Variants in COL5A3 observed in about 807,000 individuals in gnomAD.
COL5A3 encodes collagen alpha-3(V) chain.
COL5A3 carries 172 observed loss-of-function variants against 250.0 expected under a neutral mutation model. That is an observed-to-expected ratio of 0.69 (90% CI 0.61 to 0.78). COL5A3 has a LOEUF of 0.78. Among genes scored for constraint, COL5A3 ranks in the 30% least tolerant of loss-of-function variants. The probability of loss-of-function intolerance (pLI) is 0.00; values close to 1 mark genes in which losing one functional copy is unlikely to be tolerated. For missense variants in COL5A3, 2,340 were observed against 2,334.4 expected, an observed-to-expected ratio of 1.00 and a Z score of -0.05; for synonymous variants, 937 against 900.4, an observed-to-expected ratio of 1.04 and a Z score of -0.73.
intron 27 of COL5A3, among the ~76,000 whole-genome samples, chr19:9,987,859 C>T (rs558903128): frequency 1.8e-4 from 28 of 151,686 alleles, no homozygotes; most frequent in African/African-American, 5.8e-4. Flanking sequence ...TACTTGAGCA[C>T]GGGAGTTCAA....
intron 12 of COL5A3, 21 bp from the exon 13 acceptor site, chr19:9,996,537 A>G (rs760983383): frequency 6.2e-7 from 1 of 1,613,902 alleles, no homozygotes; most frequent in Non-Finnish European, 8.5e-7. Context: ...TTTAGTGGTG[A>G]GGGAAGCCCC....
rs778677593 is a variant in COL5A3, at chr19:9,989,092, A to G, written c.2145+32T>C. 3 of 1,611,246 alleles carry G rather than the reference A, an allele frequency of 1.9e-6. No homozygotes were observed. In the South Asian group the frequency reaches 3.3e-5, roughly 18 times the overall value. On this transcript the variant is annotated intron_variant, in intron 27 of 66. Transcript: ENST00000264828. ...TCGCATGCCTGAACCCAAAGCTGGT[A>G]AATCACTCATACCTGCAAGCGTATC...
chr19:9,996,554 AG>A (rs1268144642), intron 12 of COL5A3, 38 bp from the exon 13 acceptor site: 1 of 1,609,568 alleles, frequency 6.2e-7, no homozygotes, highest in East Asian at 2.2e-5. Context: ...CCCCCAGGAG[AG>A]GCCCCCTCCT....
Position 9,979,909 on chromosome 19 carries a change from G to GA in COL5A3, c.2659-18dup, listed in dbSNP as rs1568415940. On this transcript the variant is annotated splice_polypyrimidine_tract_variant and intron_variant, in intron 36 of 66. Transcript: ENST00000264828. ...TTGGTGACCCTGGGGGATGAGGTGG[G>GA]AAAAAGTTGGGGCACAGATACAGGG... The GA allele has an allele frequency of 6.4e-7, 1 of 1,570,488 alleles. No homozygotes were observed. Among genetic ancestry groups the GA allele is most frequent in the Non-Finnish European group, 8.6e-7 (1 of 1,165,458 alleles).
Position 9,991,815 on chromosome 19 carries a change from C to T in COL5A3, c.1920G>A (p.Pro640=), listed in dbSNP as rs769567123. Residue 640 remains proline, a synonymous_variant, in exon 23 of 67, where the codon CCG becomes CCA. Coordinates refer to ENST00000264828, the MANE Select transcript of COL5A3 (RefSeq NM_015719.4). ...GGGACCCATGGTTTCCCTGCTGTCC[C>T]GGAGGGCCTGGTTCTCCTGGAGGAC... ...NVGPPGEPGP[P]GQQGNHGSQG... The T allele has an allele frequency of 1.4e-5, 23 of 1,608,716 alleles. No individual in the cohort carries two copies. Among genetic ancestry groups the T allele is most frequent in the East Asian group, 2.2e-5 (1 of 44,858 alleles).
At position 9,979,976 on chromosome 19, in the gene COL5A3, G is replaced by A. The variant is rs540086153; in HGVS notation, c.2658+18C>T. On this transcript the variant is annotated intron_variant, in intron 36 of 66. Coordinates refer to ENST00000264828, the MANE Select transcript of COL5A3 (RefSeq NM_015719.4). ...ATCCTCCACCCACCCAACCCCCAATGAGGGTGACCTCACTCACAGGGGGGC... is the reference window on the plus strand; with the variant it reads ...ATCCTCCACCCACCCAACCCCCAATAAGGGTGACCTCACTCACAGGGGGGC... 4.4e-6 allele frequency: 7 copies of A among 1,579,576 alleles called. No homozygotes were observed. The East Asian group carries it at 1.1e-4, about 26-fold the overall frequency.
At chr19:9,991,062 A>C (rs1011374372) in intron 24 of COL5A3, among the ~76,000 whole-genome samples, 2 of 152,122 alleles carry the variant, frequency 1.3e-5, no homozygotes, top group Non-Finnish European at 2.9e-5. Context: ...CCATCTCTAC[A>C]AAAAAAGAAA....
Position 9,996,099 on chromosome 19 carries a change from A to C in COL5A3, c.1500T>G (p.Gly500=). ...PGPVGLPGHP[G]LKGEEGAEGP... is the part of the protein sequence containing the mutation. ...CTTCTGCTCCCTCCTCTCCTTTCAG[A>C]CCTGGATGCCCGGGGAGACCCTTGG... is the stretch of plus-strand genomic sequence containing the variant. The change falls in exon 15 of 67, where the codon GGT becomes GGG. Residue 500 remains glycine, a synonymous_variant. Transcript: ENST00000264828. The C allele has an allele frequency of 6.3e-7, 1 of 1,584,496 alleles. No individual in the cohort carries two copies. Among genetic ancestry groups the C allele is most frequent in the Non-Finnish European group, 8.6e-7 (1 of 1,166,480 alleles).
chr19:9,981,412 C>T (rs762057055), intron 32 of COL5A3, among the ~76,000 whole-genome samples: 5 of 152,176 alleles, frequency 3.3e-5, no homozygotes, highest in Non-Finnish European at 7.3e-5. Context: ...AGTATGCATA[C>T]ATGATTGCAT....
At chr19:9,997,291 T>C in intron 11 of COL5A3, 80 bp downstream of exon 11, 1 of 1,084,364 alleles carries the variant, frequency 9.2e-7, no homozygotes, top group Non-Finnish European at 1.4e-6. Flanking sequence ...CACACCCTCA[T>C]ATCTATGTTC....
chr19:9,972,649 A>T (rs147057147), intron 51 of COL5A3, among the ~76,000 whole-genome samples: 1,900 of 152,044 alleles, frequency 0.012, 44 homozygotes, highest in African/African-American at 0.043. Context: ...CATCCTGGCC[A>T]ACATAGTGAA....
chr19:9,966,211 G>A (rs1472667572), intron 64 of COL5A3, 103 bp downstream of exon 64: 1 of 872,442 alleles, frequency 1.1e-6, no homozygotes, highest in Non-Finnish European at 1.8e-6. Context: ...CTCAATAAAT[G>A]CCGGTTGAAG....
At chr19:9,974,794 A>G (rs191033904) in intron 45 of COL5A3, among the ~76,000 whole-genome samples, 108 of 152,044 alleles carry the variant, frequency 7.1e-4, no homozygotes, top group Middle Eastern at 3.4e-3. Flanking sequence ...GTATGTTCCT[A>G]TTGTATGGTA....
intron 33 of COL5A3, 78 bp from the exon 34 acceptor site, chr19:9,980,937 C>T (rs2087000812): frequency 2.0e-6 from 3 of 1,530,232 alleles, no homozygotes; most frequent in Non-Finnish European, 2.7e-6. Context: ...CTTCCAGGTC[C>T]CCTCCCCTTG....
intron 27 of COL5A3, 39 bp downstream of exon 27, chr19:9,989,085 A>C: frequency 4.4e-6 from 7 of 1,605,968 alleles, no homozygotes; most frequent in Non-Finnish European, 3.4e-6. Flanking sequence ...CTGAACCCAA[A>C]GCTGGTAAAT....
intron 39 of COL5A3, 71 bp from the exon 40 acceptor site, chr19:9,979,051 C>A (rs2086966384): frequency 1.3e-5 from 19 of 1,461,950 alleles, no homozygotes; most frequent in Non-Finnish European, 1.7e-5. Context: ...TGACTCAGGG[C>A]CCCCTCCCCC....
intron 24 of COL5A3, among the ~76,000 whole-genome samples, chr19:9,991,133 T>C (rs1482280706): frequency 3.9e-5 from 6 of 152,116 alleles, no homozygotes. Context: ...TCCCAGCTAC[T>C]CGGGTGGATG....
rs749507153 is a variant in COL5A3, at chr19:9,982,078, T to G, written c.2447A>C (p.Glu816Ala). The G allele has an allele frequency of 6.2e-7, 1 of 1,610,594 alleles. No homozygotes were observed. Among genetic ancestry groups the G allele is most frequent in the Non-Finnish European group, 8.5e-7 (1 of 1,178,070 alleles). The change falls in exon 32 of 67, where the codon GAG becomes GCG. Residue 816 changes from glutamate (E) to alanine (A), a missense_variant. This residue lies in a region of COL5A3 where 1,152 missense variants were observed against 1,146.3 expected (regional missense o/e 1.00). Transcript: ENST00000264828. ...GFPGPLGPIGEKGKSGKTGQP... is the reference protein window; with the variant it reads ...GFPGPLGPIGAKGKSGKTGQP... ...GTCATGACTCACCGACTTCCCTTTC[T>G]CTCCTATGGGTCCCAGGGGACCGGG...
In COL5A3 at chr19:9,968,711, T is replaced by C; in HGVS notation, c.4170A>G (p.Pro1390=). The C allele has an allele frequency of 6.2e-7, 1 of 1,605,846 alleles. No homozygotes were observed. The change falls in exon 58 of 67, where the codon CCA becomes CCG. Residue 1390 remains proline, a synonymous_variant. Transcript: ENST00000264828. This position sits in a 1 kb window ranked among gnomAD's most constrained non-coding sequence, Gnocchi z 4.1. Reference sequence around the variant, plus strand: ...TGGGGCCAGTGTCTCCCTTCAGCCCTGGGAGGCCAGAGGGCCCCTGGGAGA... The same window carrying C: ...TGGGGCCAGTGTCTCCCTTCAGCCCCGGGAGGCCAGAGGGCCCCTGGGAGA... The part of the protein sequence containing the change: ...PPGPLGPSGL[P]GLKGDTGPKG...
Sources: allele counts gnomAD v4.1 joint callset (sites outside exome capture counted in the v4.1 genomes callset), GRCh38; gene constraint gnomAD v4.1.1; regional missense constraint gnomAD v4.1.1; non-coding constraint Gnocchi (gnomAD v3.1); transcripts MANE v1.5; gene names NCBI Gene and HGNC (gene_info 2026-07-23, HGNC 2026-07-21).